The following CENPW variants were observed in gnomAD, a reference collection of about 807,000 sequenced individuals.
The protein encoded by CENPW is centromere protein W, also known as cancer-up-regulated gene 2 protein.
CENPW carries 3 observed loss-of-function variants against 11.1 expected under a neutral mutation model. The ratio of observed to expected loss-of-function variants is 0.27; its 90% CI spans 0.12 to 0.70. The LOEUF (loss-of-function observed/expected upper bound fraction) is 0.70, where lower values mean the gene tolerates loss of function less well. CENPW is among the 30% of genes least tolerant of loss of function. CENPW has a pLI of 0.77. For synonymous variants in CENPW, 38 were observed against 42.0 expected (o/e 0.91, Z 0.37); for missense variants, 100 against 105.6 (o/e 0.95, Z 0.23).
At chr6:126,424,163 A>G in the CENPW span, among the ~76,000 whole-genome samples, 1 of 152,134 alleles carries the variant, frequency 6.6e-6, no homozygotes, top group Non-Finnish European at 1.5e-5. Context: ...ACTAAATAAG[A>G]TGTTCTTCAA....
At chr6:126,370,543 G>A in the CENPW span, among the ~76,000 whole-genome samples, 1 of 152,032 alleles carries the variant, frequency 6.6e-6, no homozygotes, top group East Asian at 1.9e-4. Context: ...AAGGGGTTGA[G>A]TTTTTTATTT....
chr6:126,352,300 C>G (rs931176541), downstream of CENPW, among the ~76,000 whole-genome samples: 15 of 152,024 alleles, frequency 9.9e-5, no homozygotes, highest in African/African-American at 3.4e-4. Context: ...TTTGCTGACC[C>G]CTGTGTTAGA....
chr6:126,474,702 C>G, the CENPW span, among the ~76,000 whole-genome samples: 1 of 152,214 alleles, frequency 6.6e-6, no homozygotes, highest in Non-Finnish European at 1.5e-5. Context: ...ATATCATTAC[C>G]CTTCAGCACA....
the CENPW span, among the ~76,000 whole-genome samples, chr6:126,408,969 A>G: frequency 6.6e-6 from 1 of 151,066 alleles, no homozygotes; most frequent in Non-Finnish European, 1.5e-5. Flanking sequence ...CTTATTTTTA[A>G]TATTTATTTT....
the CENPW span, among the ~76,000 whole-genome samples, chr6:126,467,632 GAATAAATA>G: frequency 1.3e-5 from 2 of 151,918 alleles, no homozygotes; most frequent in South Asian, 2.1e-4. Flanking sequence ...ATAAATGATT[GAATAAATA>G]AATAAATAAA....
At chr6:126,391,054 C>T in the CENPW span, among the ~76,000 whole-genome samples, 1 of 151,890 alleles carries the variant, frequency 6.6e-6, no homozygotes, top group Non-Finnish European at 1.5e-5. Context: ...CCAAACTGTT[C>T]TCCATAGAGG....
chr6:126,409,198 G>C, the CENPW span, among the ~76,000 whole-genome samples: 1 of 152,078 alleles, frequency 6.6e-6, no homozygotes, highest in East Asian at 1.9e-4. Flanking sequence ...GGTTGTTCAG[G>C]AGCATATTGG....
At chr6:126,369,629 G>T in the CENPW span, among the ~76,000 whole-genome samples, 48 of 152,072 alleles carry the variant, frequency 3.2e-4, no homozygotes, top group African/African-American at 8.2e-4. Flanking sequence ...GGATTGTTTG[G>T]TTTTTTTCTT....
intron 1 of CENPW, among the ~76,000 whole-genome samples, chr6:126,344,227 C>A (rs1300433783): frequency 6.6e-6 from 1 of 152,158 alleles, no homozygotes; most frequent in Non-Finnish European, 1.5e-5. Context: ...GTAGTCTATG[C>A]AGTGATAGAA....
the CENPW span, among the ~76,000 whole-genome samples, chr6:126,439,052 A>G: frequency 1.3e-5 from 2 of 151,686 alleles, no homozygotes; most frequent in African/African-American, 4.8e-5. Context: ...AATACCAACT[A>G]TATTGGATGA....
At chr6:126,441,538 G>C in the CENPW span, among the ~76,000 whole-genome samples, 1 of 151,422 alleles carries the variant, frequency 6.6e-6, no homozygotes, top group Admixed American at 6.6e-5. Flanking sequence ...TGATTTCTGA[G>C]TTTGGTGCAC....
chr6:126,426,821 G>A, the CENPW span, among the ~76,000 whole-genome samples: 17 of 152,234 alleles, frequency 1.1e-4, no homozygotes, highest in South Asian at 4.2e-4. Context: ...TTACAGTTTT[G>A]CTAGGATTAT....
the CENPW span, among the ~76,000 whole-genome samples, chr6:126,391,246 T>C: frequency 6.6e-6 from 1 of 152,064 alleles, no homozygotes; most frequent in South Asian, 2.1e-4. Context: ...CCTTTTCATA[T>C]ACCTGTTTGT....
chr6:126,406,414 C>T, the CENPW span, among the ~76,000 whole-genome samples: 38 of 151,888 alleles, frequency 2.5e-4, no homozygotes, highest in South Asian at 1.0e-3. Flanking sequence ...TTCTTTCATG[C>T]GTATCTGTGT....
At chr6:126,422,809 T>C in the CENPW span, among the ~76,000 whole-genome samples, 2 of 152,070 alleles carry the variant, frequency 1.3e-5, no homozygotes, top group African/African-American at 4.8e-5. Context: ...CTTTCACACA[T>C]CCATTGTTTC....
At chr6:126,353,570 C>G (rs936682433), downstream of CENPW, among the ~76,000 whole-genome samples, 16 of 151,878 alleles carry the variant, frequency 1.1e-4, no homozygotes, top group African/African-American at 3.6e-4. Context: ...TGTTGTTTCC[C>G]TTTTTATTCT....
chr6:126,425,545 C>T, the CENPW span, among the ~76,000 whole-genome samples: 3 of 151,988 alleles, frequency 2.0e-5, no homozygotes, highest in South Asian at 2.1e-4. Context: ...GCCAAAGACT[C>T]TTATGAAATT....
At chr6:126,451,717 C>A in the CENPW span, among the ~76,000 whole-genome samples, 1 of 150,970 alleles carries the variant, frequency 6.6e-6, no homozygotes. Context: ...TCTCCCCTTT[C>A]CTCTTGCCAC....
At position 126,340,375 on chromosome 6, in the gene CENPW, T is replaced by G. The variant is rs1410853507; in HGVS notation, c.102T>G (p.Arg34=). 6.2e-7 allele frequency: 1 copy of G among 1,613,980 alleles called. No homozygotes were observed. Among genetic ancestry groups the G allele is most frequent in the African/African-American group, 1.3e-5 (1 of 74,900 alleles). The stretch of plus-strand genomic sequence containing the variant: ...TCAAGCGAAAGAAGCCTCAACTTCG[T>G]CTGGAGAAAAGTGGTGACTTATTGG... The part of the protein sequence containing the change: ...RVFKRKKPQL[R]LEKSGDLLVH... Residue 34 remains arginine (R), a synonymous_variant, in exon 1 of 3, where the codon CGT becomes CGG. Transcript: ENST00000368328.
Sources: allele counts gnomAD v4.1 joint callset (sites outside exome capture counted in the v4.1 genomes callset), GRCh38; gene constraint gnomAD v4.1.1; transcripts MANE v1.5; gene names NCBI Gene and HGNC (gene_info 2026-07-23, HGNC 2026-07-21).